The following PLEKHA2 variants were observed in gnomAD, a reference collection of about 807,000 sequenced individuals.
PLEKHA2 encodes the protein pleckstrin homology domain-containing family A member 2.
A neutral mutation model predicts 53.2 loss-of-function variants in PLEKHA2; 28 were observed. That is an observed-to-expected ratio of 0.53 (90% CI 0.39 to 0.72). The LOEUF is 0.72. Among genes scored for constraint, PLEKHA2 ranks in the 30% least tolerant of loss-of-function variants. The pLI, the probability that PLEKHA2 is intolerant of heterozygous loss-of-function variation, is 0.00. For missense variants in PLEKHA2, 426 were observed against 537.9 expected, an observed-to-expected ratio of 0.79 and a Z score of 2.06; for synonymous variants, 193 against 196.4, an observed-to-expected ratio of 0.98 and a Z score of 0.14.
chr8:38,904,199 A>G (rs958829216), intron 1 of PLEKHA2, among the ~76,000 whole-genome samples: 1 of 152,166 alleles, frequency 6.6e-6, no homozygotes, highest in African/African-American at 2.4e-5. Flanking sequence ...TCCTTCTGAA[A>G]GCCCCTTCCC....
At chr8:38,923,598 T>C (rs963481930) in intron 2 of PLEKHA2, among the ~76,000 whole-genome samples, 31 of 152,320 alleles carry the variant, frequency 2.0e-4, no homozygotes, top group African/African-American at 6.7e-4. Context: ...ACATATTTAC[T>C]AAATTTGTTC....
intron 1 of PLEKHA2, chr8:38,901,710 C>T (rs117064964): frequency 0.14 from 21,813 of 150,520 alleles, 2,093 homozygotes; most frequent in East Asian, 0.32. Context: ...CCAAGGTCGC[C>T]GCCGCCAGGG....
intron 3 of PLEKHA2, among the ~76,000 whole-genome samples, chr8:38,937,792 G>A (rs1031263827): frequency 1.1e-4 from 16 of 152,304 alleles, no homozygotes; most frequent in Non-Finnish European, 1.9e-4. Context: ...CCTCAGAGGC[G>A]CTGGACTCCA....
intron 2 of PLEKHA2, among the ~76,000 whole-genome samples, chr8:38,927,582 G>A (rs1377109178): frequency 6.6e-6 from 1 of 152,084 alleles, no homozygotes; most frequent in Non-Finnish European, 1.5e-5. Context: ...CATGTTTGGG[G>A]GAGGGGTTCA....
intron 1 of PLEKHA2, among the ~76,000 whole-genome samples, chr8:38,904,189 TC>T (rs1345153588): frequency 6.6e-6 from 1 of 152,120 alleles, no homozygotes; most frequent in Non-Finnish European, 1.5e-5. Context: ...ACCCTACTGT[TC>T]CTTCTGAAAG....
At position 38,929,612 on chromosome 8, in the gene PLEKHA2, A is replaced by T. The variant is rs372533000; in HGVS notation, c.142-6382A>T. Among the ~76,000 whole-genome samples the T allele has an allele frequency of 1.4e-4, 22 of 152,124 alleles. 1 individual carries two copies. The highest frequency in any genetic ancestry group is 1.2e-3 in the Admixed American group (18 of 15,270). ...TTAGTTTCTTCATCTGTGAAATGGG[A>T]TTGTTAGGATTAGGCGACCACATGT... On this transcript the variant is annotated intron_variant, in intron 2 of 11. Coordinates refer to ENST00000617275, the MANE Select transcript of PLEKHA2 (RefSeq NM_021623.2).
intron 2 of PLEKHA2, among the ~76,000 whole-genome samples, chr8:38,925,745 C>T (rs575037306): frequency 2.6e-5 from 4 of 152,178 alleles, no homozygotes; most frequent in Non-Finnish European, 5.9e-5. Context: ...AGAAAGCATA[C>T]AAAGTTATGG....
At chr8:38,964,426 T>G (rs1347637903) in intron 10 of PLEKHA2, among the ~76,000 whole-genome samples, 1 of 152,192 alleles carries the variant, frequency 6.6e-6, no homozygotes, top group Non-Finnish European at 1.5e-5. Context: ...TATTGTGAAC[T>G]GTGCATGTGA....
intron 5 of PLEKHA2, among the ~76,000 whole-genome samples, chr8:38,949,662 C>T (rs1485819285): frequency 6.6e-6 from 1 of 152,198 alleles, no homozygotes; most frequent in Non-Finnish European, 1.5e-5. Context: ...GCTCATTCTT[C>T]CAAAAGGGCT....
chr8:38,957,238 T>C, intron 9 of PLEKHA2, 85 bp from the exon 10 acceptor site: 1 of 1,071,842 alleles, frequency 9.3e-7, no homozygotes, highest in African/African-American at 1.6e-5. Flanking sequence ...TTTTTTATGG[T>C]AGAGGGCACT....
At chr8:38,948,170 G>A (rs1244244623) in intron 5 of PLEKHA2, among the ~76,000 whole-genome samples, 4 of 151,658 alleles carry the variant, frequency 2.6e-5, no homozygotes, top group Admixed American at 2.6e-4. Context: ...GGAAATTTCT[G>A]CAGTTCCATG....
intron 4 of PLEKHA2, 121 bp downstream of exon 4, chr8:38,943,958 C>A: frequency 1.4e-6 from 1 of 703,568 alleles, no homozygotes; most frequent in Non-Finnish European, 2.1e-6. Flanking sequence ...ACTTAAATCA[C>A]AGTGACGGTC....
At chr8:38,969,062 C>CTTTTTT (rs1835193030) in intron 11 of PLEKHA2, 8 of 283,562 alleles carry the variant, frequency 2.8e-5, no homozygotes, top group Non-Finnish European at 3.8e-5. Flanking sequence ...CCACGCCCAG[C>CTTTTTT]TGATTTTTTT....
chr8:38,918,388 C>T (rs1352540640), intron 2 of PLEKHA2, among the ~76,000 whole-genome samples: 2 of 148,398 alleles, frequency 1.3e-5, no homozygotes, highest in African/African-American at 5.0e-5. Flanking sequence ...CACACACATA[C>T]CCCCCATACA....
intron 2 of PLEKHA2, among the ~76,000 whole-genome samples, chr8:38,930,676 C>T (rs1380790849): frequency 1.3e-5 from 2 of 152,112 alleles, no homozygotes. Flanking sequence ...CGGCATGGCA[C>T]GGCATGACAC....
intron 9 of PLEKHA2, among the ~76,000 whole-genome samples, chr8:38,954,450 C>T (rs1329714526): frequency 1.3e-5 from 2 of 152,148 alleles, no homozygotes; most frequent in African/African-American, 4.8e-5. Flanking sequence ...TGTGAGACCA[C>T]CTGGGCACAT....
chr8:38,944,802 A>C (rs913893244), intron 4 of PLEKHA2, among the ~76,000 whole-genome samples: 5 of 152,216 alleles, frequency 3.3e-5, no homozygotes, highest in Non-Finnish European at 5.9e-5. Context: ...AAACCATATC[A>C]ATGTCCATCA....
chr8:38,936,046 C>T lies in PLEKHA2; in HGVS notation c.194C>T (p.Ser65Leu), dbSNP rs1480990610. Reference sequence around the variant, plus strand: ...GGAGCTTTGCAGCTGACCTACATCTCGAAGGTAATGTTGACCTGGAACTCT... The same window carrying T: ...GGAGCTTTGCAGCTGACCTACATCTTGAAGGTAATGTTGACCTGGAACTCT... ...AVGALQLTYI[S>L]KVSIATPKQK... is the part of the protein sequence containing the mutation. Residue 65 changes from serine (S) to leucine (L), a missense_variant, in exon 3 of 12, where the codon TCG becomes TTG. Coordinates refer to ENST00000617275, the MANE Select transcript of PLEKHA2 (RefSeq NM_021623.2). 10 of 1,613,128 alleles carry T rather than the reference C, an allele frequency of 6.2e-6. No individual in the cohort carries two copies. The highest frequency in any genetic ancestry group is 1.7e-5 in the Admixed American group (1 of 59,976).
At chr8:38,954,988 C>T (rs778775887) in intron 9 of PLEKHA2, among the ~76,000 whole-genome samples, 8 of 152,130 alleles carry the variant, frequency 5.3e-5, no homozygotes, top group East Asian at 1.9e-4. Context: ...GAGCCAAGAT[C>T]GTGCCACTGC....
Sources: gnomAD v4.1 joint callset for allele counts (sites outside exome capture counted in the v4.1 genomes callset) on GRCh38, gnomAD v4.1.1 for gene constraint, MANE v1.5 for transcripts, NCBI Gene and HGNC (gene_info 2026-07-23, HGNC 2026-07-21) for gene names.